CAMKMT: variants seen among roughly 807,000 people sequenced by gnomAD.
CAMKMT encodes calmodulin-lysine N-methyltransferase.
CAMKMT carries 53 observed loss-of-function variants against 48.0 expected under a neutral mutation model. The observed-to-expected ratio is 1.10, with a 90% confidence interval of 0.89 to 1.39. The LOEUF (loss-of-function observed/expected upper bound fraction) is 1.39, where lower values mean the gene tolerates loss of function less well. Among genes scored for constraint, CAMKMT ranks in the 40% most tolerant of loss-of-function variants. CAMKMT has a pLI of 0.00. For synonymous variants in CAMKMT, 165 were observed against 152.3 expected (o/e 1.08, Z -0.61); for missense variants, 428 against 402.7 (o/e 1.06, Z -0.54).
intron 3 of CAMKMT, among the ~76,000 whole-genome samples, chr2:44,634,513 A>G (rs1480513303): frequency 6.6e-6 from 1 of 152,122 alleles, no homozygotes; most frequent in African/African-American, 2.4e-5. Context: ...CCTTTTAAAT[A>G]TAATAGTATA....
intron 2 of CAMKMT, among the ~76,000 whole-genome samples, chr2:44,389,262 A>G (rs943076138): frequency 1.3e-5 from 2 of 151,962 alleles, no homozygotes; most frequent in African/African-American, 4.8e-5. Context: ...ATTAGGGCCC[A>G]CCCTAATGAC....
chr2:44,714,864 C>T (rs568516002), intron 6 of CAMKMT, among the ~76,000 whole-genome samples: 78 of 152,270 alleles, frequency 5.1e-4, no homozygotes, highest in Middle Eastern at 3.4e-3. Context: ...ACCTCACATA[C>T]AGCTCTTCTC....
intron 3 of CAMKMT, among the ~76,000 whole-genome samples, chr2:44,614,936 CTTTT>C (rs3083440): frequency 3.3e-4 from 16 of 48,990 alleles, no homozygotes; most frequent in African/African-American, 1.1e-3. Context: ...GGTCTCCTTG[CTTTT>C]TTTTTTTTTT....
intron 3 of CAMKMT, among the ~76,000 whole-genome samples, chr2:44,466,015 G>A (rs1256244882): frequency 1.3e-5 from 2 of 152,122 alleles, no homozygotes; most frequent in Non-Finnish European, 2.9e-5. Flanking sequence ...TCTAACAGTA[G>A]AGCACCCAAA....
At chr2:44,442,728 C>T (rs748569698) in intron 3 of CAMKMT, among the ~76,000 whole-genome samples, 58 of 152,134 alleles carry the variant, frequency 3.8e-4, no homozygotes, top group Non-Finnish European at 7.6e-4. Context: ...CCTTGTGCTC[C>T]CAAAGTACTT....
chr2:44,499,865 G>C (rs1022007379), intron 3 of CAMKMT, among the ~76,000 whole-genome samples: 18 of 152,160 alleles, frequency 1.2e-4, no homozygotes, highest in African/African-American at 4.1e-4. Context: ...TTACTTAGGA[G>C]TAGTCTTTCC....
intron 3 of CAMKMT, among the ~76,000 whole-genome samples, chr2:44,544,432 C>G (rs1667285601): frequency 6.6e-6 from 1 of 152,102 alleles, no homozygotes; most frequent in African/African-American, 2.4e-5. Flanking sequence ...TTAAGCCAGG[C>G]CATTGTCTTT....
chr2:44,654,355 T>C (rs1674251508), intron 3 of CAMKMT, among the ~76,000 whole-genome samples: 2 of 152,100 alleles, frequency 1.3e-5, no homozygotes, highest in Non-Finnish European at 2.9e-5. Flanking sequence ...AAATAATACA[T>C]ATTCATGGTA....
intron 3 of CAMKMT, among the ~76,000 whole-genome samples, chr2:44,428,568 T>G (rs1217083481): frequency 2.0e-5 from 3 of 152,262 alleles, no homozygotes; most frequent in South Asian, 4.1e-4. Context: ...CACCCTTTTC[T>G]ACTCAGTATT....
At position 44,715,299 on chromosome 2, in the gene CAMKMT, T is replaced by C. The variant is rs1225592296; in HGVS notation, c.569T>C (p.Ile190Thr). The C allele has an allele frequency of 2.5e-6, 4 of 1,611,674 alleles. No homozygotes were observed. Among genetic ancestry groups the C allele is most frequent in the Non-Finnish European group, 2.5e-6 (3 of 1,178,546 alleles). The change falls in exon 7 of 11, where the codon ATC (isoleucine) becomes ACC (threonine). Residue 190 changes from isoleucine to threonine, a missense_variant. Transcript: ENST00000378494. ...NEKAIRNVQDIITRNQKAGVF... is the reference protein window; with the variant it reads ...NEKAIRNVQDTITRNQKAGVF... Reference sequence around the variant, plus strand: ...CTGTGTCCTGTAGATGTGCAAGACATCATCACAAGGAATCAGAAGGCTGGT... The same window carrying C: ...CTGTGTCCTGTAGATGTGCAAGACACCATCACAAGGAATCAGAAGGCTGGT...
intron 2 of CAMKMT, among the ~76,000 whole-genome samples, chr2:44,373,840 C>A (rs1053799089): frequency 2.6e-5 from 4 of 151,960 alleles, no homozygotes; most frequent in Non-Finnish European, 4.4e-5. Flanking sequence ...ACTGAAAATG[C>A]CGGCTGGGCG....
intron 8 of CAMKMT, 21 bp from the exon 9 acceptor site, chr2:44,754,034 C>G: frequency 6.2e-7 from 1 of 1,605,932 alleles, no homozygotes; most frequent in South Asian, 1.1e-5. Context: ...AATCTGGATT[C>G]TGCTCTCTTC....
chr2:44,375,391 T>G (rs7593155), intron 2 of CAMKMT, among the ~76,000 whole-genome samples: 29,052 of 150,998 alleles, frequency 0.19, 5,796 homozygotes, highest in African/African-American at 0.51. Flanking sequence ...AAAACAGAAA[T>G]AAATATAAAT....
chr2:44,650,011 T>A (rs1673967619), intron 3 of CAMKMT, among the ~76,000 whole-genome samples: 1 of 152,210 alleles, frequency 6.6e-6, no homozygotes, highest in African/African-American at 2.4e-5. Context: ...CCATAATTCC[T>A]ATCTGGTTTG....
chr2:44,436,070 TTTTTTTC>T (rs1436519342), intron 3 of CAMKMT, among the ~76,000 whole-genome samples: 1 of 151,804 alleles, frequency 6.6e-6, no homozygotes, highest in African/African-American at 2.4e-5. Flanking sequence ...AAACCAATTC[TTTTTTTC>T]TTTTTTCTTG....
chr2:44,548,374 T>C (rs982127273), intron 3 of CAMKMT, among the ~76,000 whole-genome samples: 1 of 152,150 alleles, frequency 6.6e-6, no homozygotes, highest in African/African-American at 2.4e-5. Context: ...ACTGGTTCTT[T>C]ATCTTTCTAA....
chr2:44,630,910 G>T (rs1197661374), intron 3 of CAMKMT, among the ~76,000 whole-genome samples: 2 of 151,860 alleles, frequency 1.3e-5, no homozygotes, highest in African/African-American at 4.8e-5. Flanking sequence ...TATACCCAAA[G>T]GACTATAAAT....
chr2:44,567,390 T>C (rs999695751), intron 3 of CAMKMT, among the ~76,000 whole-genome samples: 1 of 152,154 alleles, frequency 6.6e-6, no homozygotes. Flanking sequence ...GCAGGAATAC[T>C]CATATTTCTG....
chr2:44,716,024 A>G (rs1256177329), intron 7 of CAMKMT, among the ~76,000 whole-genome samples: 1 of 152,146 alleles, frequency 6.6e-6, no homozygotes, highest in Non-Finnish European at 1.5e-5. Flanking sequence ...GTGATGCTAC[A>G]TTTTATTTTT....
Sources: allele counts gnomAD v4.1 joint callset (sites outside exome capture counted in the v4.1 genomes callset), GRCh38; gene constraint gnomAD v4.1.1; transcripts MANE v1.5; gene names NCBI Gene and HGNC (gene_info 2026-07-23, HGNC 2026-07-21).